PAOX: variants seen among roughly 807,000 people sequenced by gnomAD.
PAOX encodes polyamine oxidase.
A neutral mutation model predicts 39.0 loss-of-function variants in PAOX; 38 were observed. That is an observed-to-expected ratio of 0.97 (90% CI 0.75 to 1.28). The LOEUF (loss-of-function observed/expected upper bound fraction) is 1.28. Among genes scored for constraint, PAOX ranks in the 50% most tolerant of loss-of-function variants. The pLI is 0.00. For missense variants in PAOX, 667 were observed against 685.7 expected (o/e 0.97, Z 0.30); for synonymous variants, 311 against 314.4 (o/e 0.99, Z 0.11).
At chr10:133,379,583 C>G (rs562930535) in intron 1 of PAOX, 86 bp downstream of exon 1, 1 of 1,104,352 alleles carries the variant, frequency 9.1e-7, no homozygotes, top group East Asian at 3.3e-5. Flanking sequence ...GCGCAGCCGA[C>G]CTGCCCGGCC....
Position 133,381,452 on chromosome 10 carries a change from C to T in PAOX, c.669-8C>T. ...GCCTCTACGAAACCAGCACTTCCGTCTTTCTAGGGGCTATCAAGGACTCAC... is the reference window on the plus strand; with the variant it reads ...GCCTCTACGAAACCAGCACTTCCGTTTTTCTAGGGGCTATCAAGGACTCAC... On this transcript the variant is annotated splice_polypyrimidine_tract_variant and splice_region_variant and intron_variant, in intron 2 of 6. Coordinates refer to ENST00000278060, the MANE Select transcript of PAOX (RefSeq NM_152911.4). 6.2e-7 allele frequency: 1 copy of T among 1,613,576 alleles called. No homozygotes were observed.
chr10:133,381,571 C>CT lies in PAOX; in HGVS notation c.783dup (p.Pro262SerfsTer12). ...GGAACGGGTCCTTCCAGGAGGCAGC[C>CT]TTTCCCGGGGAGACCTTTCCAGTGT... On this transcript the variant is annotated frameshift_variant, in exon 3 of 7. Coordinates refer to ENST00000278060, the MANE Select transcript of PAOX (RefSeq NM_152911.4). LOFTEE classifies it high-confidence loss of function. 6.2e-7 allele frequency: 1 copy of CT among 1,613,840 alleles called. No homozygotes were observed. Among genetic ancestry groups the CT allele is most frequent in the Non-Finnish European group, 8.5e-7 (1 of 1,180,020 alleles).
rs903778608 is a variant in PAOX, at chr10:133,384,341, C to T, written c.1121+129C>T. The T allele has an allele frequency of 6.7e-5, 93 of 1,390,704 alleles. No homozygotes were observed. Among genetic ancestry groups the T allele is most frequent in the Non-Finnish European group, 8.7e-5 (89 of 1,026,822 alleles). 86.1% of individuals were successfully genotyped at this position (1,390,704 alleles called of 1,614,324 possible). The stretch of plus-strand genomic sequence containing the variant: ...GTTTAATGGGTAGGGTTCCCATGAG[C>T]GCCCCCCCACCAGGTGCTGGCTGCA... On this transcript the variant is annotated intron_variant, in intron 4 of 6. Coordinates refer to ENST00000278060, the MANE Select transcript of PAOX (RefSeq NM_152911.4). The surrounding 1 kb of genome is among the most constrained non-coding windows in gnomAD (Gnocchi z 4.3).
chr10:133,379,850 G>C (rs1849303830), intron 1 of PAOX, 149 bp from the exon 2 acceptor site: 2 of 1,075,856 alleles, frequency 1.9e-6, no homozygotes. Context: ...GGGTCTGACA[G>C]GGCCCTGCCC....
Position 133,380,114 on chromosome 10 carries a change from C to T in PAOX, c.297C>T (p.Asn99=). The change falls in exon 2 of 7, where the codon AAC becomes AAT. Residue 99 remains asparagine, a synonymous_variant. Coordinates refer to ENST00000278060, the MANE Select transcript of PAOX (RefSeq NM_152911.4). ...LLGEKELSQE[N]QLVETGGHVG... ...GGGAGAAGGAGCTGTCCCAGGAGAA[C>T]CAGCTGGTGGAGACCGGGGGTCACG... is the stretch of plus-strand genomic sequence containing the variant. The T allele has an allele frequency of 5.7e-6, 9 of 1,571,202 alleles. No individual in the cohort carries two copies. The highest frequency in any genetic ancestry group is 7.8e-6 in the Non-Finnish European group (9 of 1,158,232).
At chr10:133,386,225 A>G (rs1033220450) in intron 4 of PAOX, among the ~76,000 whole-genome samples, 35 of 151,490 alleles carry the variant, frequency 2.3e-4, no homozygotes, top group Admixed American at 2.3e-3. Flanking sequence ...GGGTTTTGCC[A>G]TGTTGGCCAG....
chr10:133,389,502 A>T, intron 5 of PAOX, 88 bp from the exon 6 acceptor site: 2 of 1,566,988 alleles, frequency 1.3e-6, no homozygotes, highest in South Asian at 1.1e-5. Context: ...CTTTCACGTT[A>T]AACTGCTCAA....
intron 3 of PAOX, 67 bp downstream of exon 3, chr10:133,381,726 G>A: frequency 6.5e-7 from 1 of 1,547,250 alleles, no homozygotes; most frequent in Middle Eastern, 2.0e-4. Context: ...CCCTGCCTCA[G>A]TTGGCTCTGG....
chr10:133,379,611 G>C, intron 1 of PAOX, 114 bp downstream of exon 1: 1 of 878,776 alleles, frequency 1.1e-6, no homozygotes, highest in Non-Finnish European at 1.5e-6. Context: ...CGGGCTCCCC[G>C]AGGGAATCCC....
intron 2 of PAOX, 42 bp from the exon 3 acceptor site, chr10:133,381,418 A>G: frequency 6.3e-7 from 1 of 1,586,906 alleles, no homozygotes; most frequent in Non-Finnish European, 8.6e-7. Flanking sequence ...CTGCCCTTCC[A>G]GGGACTGGGC....
In PAOX at chr10:133,391,465, G is replaced by A; in HGVS notation, c.*10G>A. 1 of 1,609,696 alleles carries A rather than the reference G, an allele frequency of 6.2e-7. No homozygotes were observed. Among genetic ancestry groups the A allele is most frequent in the Non-Finnish European group, 8.5e-7 (1 of 1,178,106 alleles). On this transcript the variant is annotated 3_prime_UTR_variant, in exon 7 of 7. Transcript: ENST00000278060. ...CAGGCCCAGGCTCTAGCTGGGCCCA[G>A]CCTACTCTGTTCCACCCGTGTCGGG...
intron 4 of PAOX, among the ~76,000 whole-genome samples, chr10:133,388,043 G>C (rs1849573520): frequency 6.6e-6 from 1 of 152,302 alleles, no homozygotes; most frequent in East Asian, 1.9e-4. Flanking sequence ...AAAAAGACAT[G>C]AACTCGAGGA....
chr10:133,380,061 C>T lies in PAOX; in HGVS notation c.244C>T (p.Gln82Ter), dbSNP rs1398404087. The change falls in exon 2 of 7, where the codon CAG (glutamine) becomes TAG (stop). Residue 82 changes from glutamine (Q) to a stop codon, truncating the protein, a stop_gained. Transcript: ENST00000278060. LOFTEE classifies it high-confidence loss of function. ...GCCCTCCCGGGGTAACCCCGTCTTC[C>T]AGCTGGCTGCTGAGTACGGGCTGCT... ...HGPSRGNPVFQLAAEYGLLGE... is the reference protein window; with the variant it reads ...HGPSRGNPVF 6.5e-7 allele frequency: 1 copy of T among 1,527,260 alleles called. No homozygotes were observed. The highest frequency in any genetic ancestry group is 8.8e-7 in the Non-Finnish European group (1 of 1,140,578). The allele number at this position is 1,527,260 out of a possible 1,614,324, so 94.6% of individuals were successfully genotyped here. A position where few individuals can be genotyped will look rare whatever the true frequency, so the allele number is the denominator to read the frequency against.
chr10:133,381,866 C>T (rs1016505703), intron 3 of PAOX, among the ~76,000 whole-genome samples: 1 of 152,172 alleles, frequency 6.6e-6, no homozygotes, highest in Non-Finnish European at 1.5e-5. Flanking sequence ...AGAAAAAACG[C>T]GAGTAAGTAT....
At chr10:133,388,087 C>G (rs1365748628) in intron 4 of PAOX, among the ~76,000 whole-genome samples, 1 of 152,102 alleles carries the variant, frequency 6.6e-6, no homozygotes, top group African/African-American at 2.4e-5. Context: ...CTTTTACTGC[C>G]TTTGATCAAG....
Position 133,391,449 on chromosome 10 carries a change from G to T in PAOX, c.1530G>T (p.Arg510Ser). 6.2e-7 allele frequency: 1 copy of T among 1,611,496 alleles called. No individual in the cohort carries two copies. The highest frequency in any genetic ancestry group is 1.3e-5 in the African/African-American group (1 of 75,026). ...WAPQVQQPRP[R>S]L ...CGCAGGTGCAGCAGCCCAGGCCCAG[G>T]CTCTAGCTGGGCCCAGCCTACTCTG... The change falls in exon 7 of 7, where the codon AGG becomes AGT. Residue 510 changes from arginine (R) to serine (S), a missense_variant. By Grantham distance (110) the Arg-to-Ser change is moderately radical (BLOSUM62 -1). Coordinates refer to ENST00000278060, the MANE Select transcript of PAOX (RefSeq NM_152911.4).
chr10:133,379,637 C>A (rs1248362456), intron 1 of PAOX, 140 bp downstream of exon 1: 6 of 722,108 alleles, frequency 8.3e-6, no homozygotes, highest in African/African-American at 5.5e-5. Flanking sequence ...GCTTAATCCG[C>A]CAGAGTTCAC....
At chr10:133,383,938 A>C (rs1412343072) in intron 3 of PAOX, 22 bp from the exon 4 acceptor site, 8 of 1,604,498 alleles carry the variant, frequency 5.0e-6, no homozygotes, top group Non-Finnish European at 6.8e-6. Context: ...TGATGTAAGA[A>C]GAGTCCAATT....
At chr10:133,386,765 C>T (rs1006219633) in intron 4 of PAOX, among the ~76,000 whole-genome samples, 7 of 152,252 alleles carry the variant, frequency 4.6e-5, no homozygotes, top group East Asian at 3.9e-4. Context: ...TGAGCTACTG[C>T]GCCCGGCCAA....
Sources: gnomAD v4.1 joint callset for allele counts (sites outside exome capture counted in the v4.1 genomes callset) on GRCh38, gnomAD v4.1.1 for gene constraint, Gnocchi (gnomAD v3.1) non-coding constraint, MANE v1.5 for transcripts, NCBI Gene and HGNC (gene_info 2026-07-23, HGNC 2026-07-21) for gene names.